The following CACNB2 variants were observed in gnomAD, a reference collection of about 807,000 sequenced individuals.
CACNB2 encodes the protein voltage-dependent L-type calcium channel subunit beta-2.
In CACNB2, 42 loss-of-function variants were observed where a neutral mutation model predicts 73.3. The ratio of observed to expected loss-of-function variants is 0.57; its 90% CI spans 0.45 to 0.74. The LOEUF is 0.74. Ranked by LOEUF, CACNB2 falls within the 30% of genes least tolerant of loss-of-function variation. CACNB2 has a pLI of 0.00. For missense variants in CACNB2, 940 were observed against 853.0 expected (o/e 1.10, Z -1.27); for synonymous variants, 348 against 310.3 (o/e 1.12, Z -1.28).
intron 3 of CACNB2, among the ~76,000 whole-genome samples, chr10:18,437,444 TA>T (rs1184865699): frequency 6.6e-6 from 1 of 152,170 alleles, no homozygotes; most frequent in Admixed American, 6.5e-5. Flanking sequence ...ACCAATATCA[TA>T]AAAGGTTGGT....
intron 2 of CACNB2, among the ~76,000 whole-genome samples, chr10:18,251,891 C>T (rs779222423): frequency 1.3e-5 from 2 of 152,098 alleles, no homozygotes; most frequent in Non-Finnish European, 2.9e-5. Flanking sequence ...CACCTCCCAC[C>T]AAGTCCCTCC....
At position 18,539,820 on chromosome 10, in the gene CACNB2, A is replaced by G. The variant is rs1457463340; in HGVS notation, c.*96A>G. The stretch of plus-strand genomic sequence containing the variant: ...AGTCTTTGGGGTCTACACTGCAATC[A>G]TATGTGATCTGTCTTGTAATATTTT... On this transcript the variant is annotated 3_prime_UTR_variant, in exon 14 of 14. Coordinates refer to ENST00000324631, the MANE Select transcript of CACNB2 (RefSeq NM_201596.3). The G allele has an allele frequency of 8.2e-6, 10 of 1,212,196 alleles. No individual in the cohort carries two copies. Among genetic ancestry groups the G allele is most frequent in the Non-Finnish European group, 1.2e-5 (10 of 851,862 alleles). 75.1% of individuals were successfully genotyped at this position (1,212,196 alleles called of 1,614,324 possible).
intron 2 of CACNB2, among the ~76,000 whole-genome samples, chr10:18,315,309 G>A (rs1264370473): frequency 6.6e-6 from 1 of 150,712 alleles, no homozygotes; most frequent in East Asian, 1.9e-4. Flanking sequence ...ACTCCAGCCT[G>A]GGCAACAGAG....
chr10:18,225,016 A>G (rs1355656727), intron 2 of CACNB2, among the ~76,000 whole-genome samples: 4 of 152,054 alleles, frequency 2.6e-5, no homozygotes, highest in Non-Finnish European at 5.9e-5. Flanking sequence ...TTCTTTTCTG[A>G]TGTCAGCCAG....
At chr10:18,150,853 G>GTCTTTTT in intron 1 of CACNB2, 30 bp from the exon 2 acceptor site, 2 of 655,038 alleles carry the variant, frequency 3.1e-6, no homozygotes, top group Admixed American at 4.0e-5. Context: ...AATCTTATTT[G>GTCTTTTT]TCTTTTTTTT....
chr10:18,267,341 C>T (rs113671392), intron 2 of CACNB2, among the ~76,000 whole-genome samples: 24 of 152,178 alleles, frequency 1.6e-4, no homozygotes, highest in African/African-American at 4.8e-4. Flanking sequence ...TGTGGTGGCT[C>T]GCTCCTGTAA....
chr10:18,402,212 G>C lies in CACNB2; in HGVS notation c.333+169G>C, dbSNP rs530178796. 3.3e-5 allele frequency among the ~76,000 whole-genome samples: 5 copies of C among 152,266 alleles called. No homozygotes were observed. In the East Asian group the frequency reaches 9.6e-4, roughly 29 times the overall value. On this transcript the variant is annotated intron_variant, in intron 3 of 13. Transcript: ENST00000324631. ...TAGTTTCTTCCCTTGGTAGAAAAAG[G>C]AAGTGTGGTATGTAAGACTGGTCTT...
rs192739323 is a variant in CACNB2 at position 18,513,628 on chromosome 10, A to C, written c.671-608A>C. On this transcript the variant is annotated intron_variant, in intron 6 of 13. Transcript: ENST00000324631. The stretch of plus-strand genomic sequence containing the variant: ...TGAACTCGAATAAGAAAGTCACTCA[A>C]ATTCGCTTTTTGTCTGACATCATTT... 7.7e-4 allele frequency: 231 copies of C among 299,086 alleles called. 2 individuals carry two copies. The East Asian group carries it at 0.015, about 19-fold the overall frequency. The allele number at this position is 299,086 out of a possible 1,614,324, so 18.5% of individuals were successfully genotyped here. A position where few individuals can be genotyped will look rare whatever the true frequency, so the allele number is the denominator to read the frequency against.
intron 2 of CACNB2, among the ~76,000 whole-genome samples, chr10:18,174,273 CCTCT>C (rs1173950631): frequency 2.8e-4 from 37 of 132,104 alleles, no homozygotes; most frequent in African/African-American, 8.7e-4. Flanking sequence ...CCTCCCTCTC[CCTCT>C]CTCTCTTTCT....
chr10:18,333,980 G>A (rs151197595), intron 2 of CACNB2, among the ~76,000 whole-genome samples: 1 of 152,120 alleles, frequency 6.6e-6, no homozygotes. Context: ...TGAGAAAGTT[G>A]TCCCGATTGA....
rs2031867198 is a variant in CACNB2, at chr10:18,154,428, G to T, written c.213+3453G>T. On this transcript the variant is annotated intron_variant, in intron 2 of 13. Coordinates refer to ENST00000324631, the MANE Select transcript of CACNB2 (RefSeq NM_201596.3). ...ATATTTGGAGATGAGGCCTCTGGGA[G>T]TGGGGCTCTAATTCATTAGGACTGT... 2.6e-5 allele frequency among the ~76,000 whole-genome samples: 4 copies of T among 152,066 alleles called. No individual in the cohort carries two copies. The South Asian group carries it at 8.3e-4, about 32-fold the overall frequency.
intron 3 of CACNB2, among the ~76,000 whole-genome samples, chr10:18,458,193 A>C (rs1460755943): frequency 6.6e-6 from 1 of 152,236 alleles, no homozygotes; most frequent in Non-Finnish European, 1.5e-5. Context: ...AATAAAATCT[A>C]TTAAGGTTTT....
At chr10:18,379,971 G>A (rs570717046) in intron 2 of CACNB2, among the ~76,000 whole-genome samples, 61 of 152,254 alleles carry the variant, frequency 4.0e-4, no homozygotes, top group African/African-American at 1.2e-3. Context: ...ACAGCTATGA[G>A]CCACCACACC....
intron 2 of CACNB2, among the ~76,000 whole-genome samples, chr10:18,187,278 A>G (rs554009649): frequency 5.3e-5 from 8 of 152,328 alleles, no homozygotes; most frequent in African/African-American, 1.9e-4. Context: ...CACTGGGCAC[A>G]TTCTGTTATT....
intron 2 of CACNB2, among the ~76,000 whole-genome samples, chr10:18,152,798 G>A (rs2031713114): frequency 6.8e-6 from 1 of 147,180 alleles, no homozygotes; most frequent in Admixed American, 6.9e-5. Flanking sequence ...ATAATGCCAA[G>A]CCGCTTGTTG....
At chr10:18,505,541 C>T (rs1015693037) in intron 5 of CACNB2, among the ~76,000 whole-genome samples, 16 of 152,100 alleles carry the variant, frequency 1.1e-4, no homozygotes, top group African/African-American at 9.7e-5. Flanking sequence ...TTAATATTTA[C>T]GTAAGTAAAT....
intron 2 of CACNB2, among the ~76,000 whole-genome samples, chr10:18,263,158 T>A (rs755264144): frequency 6.6e-6 from 1 of 152,232 alleles, no homozygotes; most frequent in African/African-American, 2.4e-5. Flanking sequence ...CTTTATGGAT[T>A]GCAGTTTTCT....
chr10:18,369,506 A>G (rs1446465203), intron 2 of CACNB2, among the ~76,000 whole-genome samples: 2 of 152,224 alleles, frequency 1.3e-5, no homozygotes, highest in African/African-American at 2.4e-5. Context: ...ACATGCATCA[A>G]TAAGAAACAT....
At chr10:18,466,075 T>A (rs770025949) in intron 3 of CACNB2, among the ~76,000 whole-genome samples, 1 of 152,144 alleles carries the variant, frequency 6.6e-6, no homozygotes, top group African/African-American at 2.4e-5. Context: ...GACAAACACA[T>A]ACAGGCACAC....
Sources: gnomAD v4.1 joint callset for allele counts (sites outside exome capture counted in the v4.1 genomes callset) on GRCh38, gnomAD v4.1.1 for gene constraint, MANE v1.5 for transcripts, NCBI Gene and HGNC (gene_info 2026-07-23, HGNC 2026-07-21) for gene names.